Variants in HAT1 observed in about 807,000 individuals in gnomAD.
The protein encoded by HAT1 is histone acetyltransferase 1, also known as histone acetyltransferase type B catalytic subunit.
HAT1 carries 20 observed loss-of-function variants against 56.6 expected under a neutral mutation model. The observed-to-expected ratio is 0.35, with a 90% CI of 0.25 to 0.51. The LOEUF is 0.51. Ranked by LOEUF, HAT1 falls within the 20% of genes least tolerant of loss-of-function variation. The pLI is 0.95. For missense variants in HAT1, 408 were observed against 504.3 expected (o/e 0.81, Z 1.83); for synonymous variants, 146 against 165.5 (o/e 0.88, Z 0.91).
chr2:171,924,072 C>G (rs913711151), intron 1 of HAT1: 2 of 152,168 alleles, frequency 1.3e-5, no homozygotes, highest in Non-Finnish European at 2.9e-5. Context: ...ATTCTCACTC[C>G]AGACTATTAA....
chr2:171,953,914 G>A (rs1238399212), intron 4 of HAT1, among the ~76,000 whole-genome samples: 1 of 152,130 alleles, frequency 6.6e-6, no homozygotes, highest in Non-Finnish European at 1.5e-5. Context: ...AGAATTGCTT[G>A]AACCTGGGAG....
chr2:171,943,409 TCAAAAAAAA>T (rs1687077127), intron 2 of HAT1, among the ~76,000 whole-genome samples: 1 of 2,912 alleles, frequency 3.4e-4, no homozygotes, highest in Non-Finnish European at 6.5e-4. Flanking sequence ...AGACTCTGTC[TCAAAAAAAA>T]AAAAAAAAAA....
chr2:171,923,121 G>A (rs918220403), intron 1 of HAT1: 4 of 152,172 alleles, frequency 2.6e-5, no homozygotes, highest in African/African-American at 7.2e-5. Context: ...TTTTAGGGTT[G>A]GACTACTATA....
chr2:171,955,301 G>T (rs1035079819), intron 4 of HAT1, among the ~76,000 whole-genome samples: 1 of 152,080 alleles, frequency 6.6e-6, no homozygotes, highest in East Asian at 1.9e-4. Context: ...TGGACTGTTG[G>T]TAGAAATATG....
At chr2:171,970,084 C>A (rs1373277855) in intron 8 of HAT1, among the ~76,000 whole-genome samples, 1 of 152,022 alleles carries the variant, frequency 6.6e-6, no homozygotes, top group Non-Finnish European at 1.5e-5. Flanking sequence ...CGTTAGAGCC[C>A]AGGAGGTCAA....
chr2:171,982,848 T>C (rs1688166230), intron 10 of HAT1, among the ~76,000 whole-genome samples: 1 of 152,212 alleles, frequency 6.6e-6, no homozygotes, highest in African/African-American at 2.4e-5. Context: ...TTTCTTCAGC[T>C]AATGTCTTCT....
chr2:171,965,484 A>G lies in HAT1; in HGVS notation c.456A>G (p.Thr152=). The G allele has an allele frequency of 1.3e-6, 2 of 1,599,066 alleles. No homozygotes were observed. Among genetic ancestry groups the G allele is most frequent in the South Asian group, 1.1e-5 (1 of 88,362 alleles). The stretch of plus-strand genomic sequence containing the variant: ...ATACCTACTCAGTTCTCAGTCCAAC[A>G]GGAGGAGAAAACTTTACCTTTCAGA... ...LLHTYSVLSP[T]GGENFTFQIY... Residue 152 remains threonine (T), a synonymous_variant, in exon 5 of 11, where the codon ACA becomes ACG. Transcript: ENST00000264108.
At chr2:171,977,451 G>A (rs1422794999) in intron 9 of HAT1, among the ~76,000 whole-genome samples, 2 of 129,516 alleles carry the variant, frequency 1.5e-5, no homozygotes, top group Non-Finnish European at 3.2e-5. Context: ...AACAGAGAGA[G>A]ACTTCATCTT....
intron 2 of HAT1, among the ~76,000 whole-genome samples, chr2:171,941,616 T>C (rs1558966751): frequency 6.6e-6 from 1 of 152,212 alleles, no homozygotes; most frequent in Non-Finnish European, 1.5e-5. Context: ...ATCCCTTGCA[T>C]GAGCAGTTCT....
At chr2:171,964,422 T>G (rs1204521316) in intron 4 of HAT1, among the ~76,000 whole-genome samples, 1 of 152,164 alleles carries the variant, frequency 6.6e-6, no homozygotes, top group East Asian at 1.9e-4. Context: ...GGAAAAAGTT[T>G]GAATAGAATA....
intron 8 of HAT1, among the ~76,000 whole-genome samples, chr2:171,969,687 C>T (rs1687766919): frequency 6.6e-6 from 1 of 152,082 alleles, no homozygotes; most frequent in Non-Finnish European, 1.5e-5. Context: ...AAGCTGCAAA[C>T]AAAGTATTAT....
intron 9 of HAT1, among the ~76,000 whole-genome samples, chr2:171,977,472 AAAAG>A (rs1687997668): frequency 6.9e-6 from 1 of 144,818 alleles, no homozygotes; most frequent in South Asian, 2.2e-4. Flanking sequence ...AAAAAAAAAA[AAAAG>A]AAAAGAAATT....
At chr2:171,935,309 G>T (rs1297758859) in intron 2 of HAT1, among the ~76,000 whole-genome samples, 1 of 150,388 alleles carries the variant, frequency 6.6e-6, no homozygotes, top group Admixed American at 6.6e-5. Context: ...GAGGTCAGGA[G>T]TTCGAGACCA....
At chr2:171,980,050 G>A (rs1229252457) in intron 10 of HAT1, 1 of 152,212 alleles carries the variant, frequency 6.6e-6, no homozygotes, top group Non-Finnish European at 1.5e-5. Flanking sequence ...CCAAGAGGTG[G>A]AGGTTGCAGT....
At chr2:171,974,051 C>T (rs1034033912) in intron 8 of HAT1, among the ~76,000 whole-genome samples, 1 of 151,688 alleles carries the variant, frequency 6.6e-6, no homozygotes, top group East Asian at 1.9e-4. Context: ...TGGTGGCAAG[C>T]ACCCGTGGGC....
chr2:171,963,793 T>C (rs10165126), intron 4 of HAT1, among the ~76,000 whole-genome samples: 102,563 of 151,942 alleles, frequency 0.68, 35,169 homozygotes, highest in Middle Eastern at 0.74. Context: ...GGCCTCTTCA[T>C]GTTAGCAATT....
Position 171,925,482 on chromosome 2 carries a change from G to C in HAT1, c.8-55G>C, listed in dbSNP as rs536606072. On this transcript the variant is annotated intron_variant, in intron 1 of 10. Transcript: ENST00000264108. ...TCCACTTATAATAACCCTATTGCAG[G>C]TTTGACAATTTAAGTCACTTCCAAA... 3 of 803,822 alleles carry C rather than the reference G, an allele frequency of 3.7e-6. No homozygotes were observed. In the East Asian group the frequency reaches 7.3e-5, roughly 20 times the overall value. The allele number at this position is 803,822 out of a possible 1,614,324, so 49.8% of individuals were successfully genotyped here. A position where few individuals can be genotyped will look rare whatever the true frequency, so the allele number is the denominator to read the frequency against.
At chr2:171,923,883 T>C (rs900502498) in intron 1 of HAT1, 4 of 152,236 alleles carry the variant, frequency 2.6e-5, no homozygotes, top group East Asian at 3.8e-4. Context: ...TACCTACTTA[T>C]AGAATTGTGC....
In HAT1 at chr2:171,938,703, T is replaced by C. The variant is rs182403543; in HGVS notation, c.113-8005T>C. On this transcript the variant is annotated intron_variant, in intron 2 of 10. Transcript: ENST00000264108. ...GCAATCTCAGGATGTTCTGCCTTGA[T>C]TTTAATCCAGAACATAAGGAGATTT... Among the ~76,000 whole-genome samples the C allele has an allele frequency of 3.0e-3, 461 of 152,328 alleles. 1 individual carries two copies. Among genetic ancestry groups the C allele is most frequent in the Non-Finnish European group, 5.1e-3 (344 of 68,026 alleles).
Sources: allele counts gnomAD v4.1 joint callset (sites outside exome capture counted in the v4.1 genomes callset), GRCh38; gene constraint gnomAD v4.1.1; transcripts MANE v1.5; gene names NCBI Gene and HGNC (gene_info 2026-07-23, HGNC 2026-07-21).